BCAS3: variants seen among roughly 807,000 people sequenced by gnomAD.
BCAS3 encodes the protein BCAS4/BCAS3 fusion.
A neutral mutation model predicts 116.1 loss-of-function variants in BCAS3; 53 were observed. The observed-to-expected ratio is 0.46, with a 90% confidence interval of 0.37 to 0.57. The LOEUF is 0.57. BCAS3 is among the 20% of genes least tolerant of loss of function. The pLI is 0.00. For synonymous variants in BCAS3, 391 were observed against 408.2 expected, an observed-to-expected ratio of 0.96 and a Z score of 0.51; for missense variants, 917 against 1,165.4, an observed-to-expected ratio of 0.79 and a Z score of 3.10.
intron 22 of BCAS3, among the ~76,000 whole-genome samples, chr17:61,273,615 T>C (rs1021353616): frequency 6.6e-5 from 10 of 152,078 alleles, no homozygotes; most frequent in African/African-American, 2.4e-4. Flanking sequence ...TTTATCAAAT[T>C]TGAAAATTTC....
intron 22 of BCAS3, among the ~76,000 whole-genome samples, chr17:61,290,359 A>G (rs1025505431): frequency 6.6e-6 from 1 of 152,202 alleles, no homozygotes; most frequent in Non-Finnish European, 1.5e-5. Context: ...AATTATATAG[A>G]TGAAAAAAGA....
intron 22 of BCAS3, among the ~76,000 whole-genome samples, chr17:61,163,793 C>T (rs1279935001): frequency 6.6e-6 from 1 of 151,984 alleles, no homozygotes; most frequent in Non-Finnish European, 1.5e-5. Flanking sequence ...TCGAGACCAG[C>T]TTGACCAACA....
chr17:61,381,357 G>A lies in BCAS3; in HGVS notation c.2594-10620G>A, dbSNP rs552176288. Among the ~76,000 whole-genome samples the A allele has an allele frequency of 2.7e-4, 41 of 152,300 alleles. No individual in the cohort carries two copies. Among genetic ancestry groups the A allele is most frequent in the African/African-American group, 9.1e-4 (38 of 41,576 alleles). ...TGTGAGCACCGCACAAAGGCAGACC[G>A]GCATCAGCCAGGCCGTTTCCATCTG... On this transcript the variant is annotated intron_variant, in intron 23 of 23. Coordinates refer to ENST00000407086, the MANE Select transcript of BCAS3 (RefSeq NM_017679.5). This position sits in a 1 kb window ranked among gnomAD's most constrained non-coding sequence, Gnocchi z 6.0.
Position 61,302,168 on chromosome 17 carries a change from C to T in BCAS3, c.2426-66159C>T, listed in dbSNP as rs2053503731. On this transcript the variant is annotated intron_variant, in intron 22 of 23. Transcript: ENST00000407086. The surrounding 1 kb of genome is among the most constrained non-coding windows in gnomAD (Gnocchi z 4.4). ...CCATGCCAGGAGAAAGAGCCAAAAA[C>T]TCCCCCCTCCCCCGACTCCCAGGGT... Among the ~76,000 whole-genome samples the T allele has an allele frequency of 6.6e-6, 1 of 152,152 alleles. No homozygotes were observed. Among genetic ancestry groups the T allele is most frequent in the Non-Finnish European group, 1.5e-5 (1 of 68,026 alleles).
intron 22 of BCAS3, among the ~76,000 whole-genome samples, chr17:61,268,063 C>T (rs2049908463): frequency 6.7e-6 from 1 of 150,030 alleles, no homozygotes; most frequent in Non-Finnish European, 1.5e-5. Context: ...CACAGACAGA[C>T]TGTCATTCAC....
chr17:61,264,919 G>A (rs1470467878), intron 22 of BCAS3, among the ~76,000 whole-genome samples: 2 of 152,182 alleles, frequency 1.3e-5, no homozygotes, highest in African/African-American at 4.8e-5. Flanking sequence ...TCAGGTTTTA[G>A]AAATATAAAA....
chr17:60,833,133 C>T (rs1446467304), intron 7 of BCAS3, among the ~76,000 whole-genome samples: 1 of 152,148 alleles, frequency 6.6e-6, no homozygotes, highest in Admixed American at 6.5e-5. Flanking sequence ...TGCCAAACAG[C>T]TGGGATTACA....
intron 4 of BCAS3, among the ~76,000 whole-genome samples, chr17:60,695,182 G>C (rs577124205): frequency 6.7e-6 from 1 of 148,534 alleles, no homozygotes; most frequent in African/African-American, 2.5e-5. Flanking sequence ...GTGCAGTGGC[G>C]TGATCTCAGC....
chr17:60,682,585 C>T lies in BCAS3; in HGVS notation c.84-1397C>T, dbSNP rs572300036. Among the ~76,000 whole-genome samples, 105 of 152,162 alleles carry T rather than the reference C, an allele frequency of 6.9e-4. 2 individuals are homozygous for T. Among genetic ancestry groups the T allele is most frequent in the Non-Finnish European group, 1.0e-3 (68 of 67,996 alleles). ...TTGCCCAAGCTGGAGTGCAGTGGCG[C>T]GGTCTTGACTCACTGCAACCTCCAC... On this transcript the variant is annotated intron_variant, in intron 2 of 23. Coordinates refer to ENST00000407086, the MANE Select transcript of BCAS3 (RefSeq NM_017679.5).
chr17:61,285,231 T>TTGTGTGTGTGTGTGTGTGTGTG lies in BCAS3; in HGVS notation c.2426-83090_2426-83069dup, dbSNP rs371178241. On this transcript the variant is annotated intron_variant, in intron 22 of 23. Transcript: ENST00000407086. The surrounding 1 kb of genome is among the most constrained non-coding windows in gnomAD (Gnocchi z 5.4). ...GTTTTGCTTTTCCCCTCCTCCTAGGTTGTGTGTGTGTGTGTGTGTGTGTGT... is the reference window on the plus strand; with the variant it reads ...GTTTTGCTTTTCCCCTCCTCCTAGGTTGTGTGTGTGTGTGTGTGTGTGTGTGTGTGTGTGTGTGTGTGTGTGT... Among the ~76,000 whole-genome samples the TTGTGTGTGTGTGTGTGTGTGTG allele has an allele frequency of 1.0e-3, 142 of 140,080 alleles. 1 individual carries two copies. Among genetic ancestry groups the TTGTGTGTGTGTGTGTGTGTGTG allele is most frequent in the Middle Eastern group, 3.5e-3 (1 of 282 alleles). 91.9% of individuals were successfully genotyped at this position (140,080 alleles called of 152,430 possible). A position where few individuals can be genotyped will look rare whatever the true frequency, so the allele number is the denominator to read the frequency against.
chr17:61,342,244 G>A (rs1204204752), intron 22 of BCAS3, among the ~76,000 whole-genome samples: 1 of 152,164 alleles, frequency 6.6e-6, no homozygotes, highest in Admixed American at 6.5e-5. Flanking sequence ...ATACACAACG[G>A]TGCACAATTG....
chr17:60,957,055 G>A (rs1178820328), intron 14 of BCAS3, among the ~76,000 whole-genome samples: 3 of 152,194 alleles, frequency 2.0e-5, no homozygotes, highest in Non-Finnish European at 4.4e-5. Context: ...AATTTTCCTC[G>A]TAAAGCACAT....
At chr17:60,940,405 T>G (rs1245525197) in intron 13 of BCAS3, among the ~76,000 whole-genome samples, 1 of 152,226 alleles carries the variant, frequency 6.6e-6, no homozygotes, top group African/African-American at 2.4e-5. Context: ...TTAAAAAATA[T>G]GCTGCTGTAA....
In BCAS3 at chr17:61,181,432, T is replaced by C. The variant is rs752639840; in HGVS notation, c.2425+96868T>C. ...AGTGATTTATTGCTGGAGGTGATATTATCTTTGAACCTTTGCTTGACCATT... is the reference window on the plus strand; with the variant it reads ...AGTGATTTATTGCTGGAGGTGATATCATCTTTGAACCTTTGCTTGACCATT... On this transcript the variant is annotated intron_variant, in intron 22 of 23. Transcript: ENST00000407086. This position sits in a 1 kb window ranked among gnomAD's most constrained non-coding sequence, Gnocchi z 5.0. Among the ~76,000 whole-genome samples, 1 of 152,206 alleles carries C rather than the reference T, an allele frequency of 6.6e-6. No individual in the cohort carries two copies. Among genetic ancestry groups the C allele is most frequent in the South Asian group, 2.1e-4 (1 of 4,834 alleles).
Position 61,128,771 on chromosome 17 carries a change from G to GA in BCAS3, c.2425+44216dup, listed in dbSNP as rs112192250. ...TAGCTGGTAGAATTTTTTCCCCCAG[G>GA]AAAAAAAAATCGGCAACTTTTGGTC... On this transcript the variant is annotated intron_variant, in intron 22 of 23. Coordinates refer to ENST00000407086, the MANE Select transcript of BCAS3 (RefSeq NM_017679.5). This position sits in a 1 kb window ranked among gnomAD's most constrained non-coding sequence, Gnocchi z 4.1. Among the ~76,000 whole-genome samples the GA allele has an allele frequency of 2.0e-5, 3 of 150,966 alleles. No individual in the cohort carries two copies. Among genetic ancestry groups the GA allele is most frequent in the South Asian group, 2.1e-4 (1 of 4,784 alleles).
At chr17:60,792,089 C>T (rs2046818287) in intron 6 of BCAS3, among the ~76,000 whole-genome samples, 1 of 152,202 alleles carries the variant, frequency 6.6e-6, no homozygotes. Context: ...TGCCACTGTA[C>T]TCCATCTTGG....
rs1268753745 is a variant in BCAS3, at chr17:61,032,476, A to G, written c.1638-2190A>G. ...CAGTGGTACCTCAAAGATACCAGCT[A>G]GAGGAATTTGTCAGTTCAATGATAG... On this transcript the variant is annotated intron_variant, in intron 16 of 23. Transcript: ENST00000407086. The surrounding 1 kb of genome is among the most constrained non-coding windows in gnomAD (Gnocchi z 4.6). Among the ~76,000 whole-genome samples the G allele has an allele frequency of 6.6e-6, 1 of 152,192 alleles. No individual in the cohort carries two copies. Among genetic ancestry groups the G allele is most frequent in the Non-Finnish European group, 1.5e-5 (1 of 68,008 alleles).
intron 19 of BCAS3, among the ~76,000 whole-genome samples, chr17:61,067,387 A>G (rs2070790352): frequency 6.8e-6 from 1 of 146,504 alleles, no homozygotes; most frequent in Non-Finnish European, 1.5e-5. Context: ...CCTAAAGCAG[A>G]TTGGCTTTTG....
In BCAS3 at chr17:61,294,702, G is replaced by A. The variant is rs373281372; in HGVS notation, c.2426-73625G>A. Among the ~76,000 whole-genome samples the A allele has an allele frequency of 3.2e-4, 48 of 152,260 alleles. 1 individual carries two copies. Among genetic ancestry groups the A allele is most frequent in the African/African-American group, 1.2e-3 (48 of 41,540 alleles). ...TCTCTTCTGTCCCTGTATTTGTCTG[G>A]ATTCTCAAAACATTGTCTTGTCACT... On this transcript the variant is annotated intron_variant, in intron 22 of 23. Coordinates refer to ENST00000407086, the MANE Select transcript of BCAS3 (RefSeq NM_017679.5).
Sources: gnomAD v4.1 joint callset for allele counts (sites outside exome capture counted in the v4.1 genomes callset) on GRCh38, gnomAD v4.1.1 for gene constraint, Gnocchi (gnomAD v3.1) non-coding constraint, MANE v1.5 for transcripts, NCBI Gene and HGNC (gene_info 2026-07-23, HGNC 2026-07-21) for gene names.